PDZD2: variants seen among roughly 807,000 people sequenced by gnomAD.
PDZD2 encodes the protein PDZ domain containing 2, also known as PDZ domain-containing protein 2.
In PDZD2, 90 loss-of-function variants were observed where a neutral mutation model predicts 220.7. The observed-to-expected ratio is 0.41, with a 90% confidence interval of 0.34 to 0.49. PDZD2 has a LOEUF of 0.49. PDZD2 is among the 20% of genes least tolerant of loss of function. The probability of loss-of-function intolerance (pLI) is 0.28; values close to 1 mark genes in which losing one functional copy is unlikely to be tolerated. For synonymous variants in PDZD2, 1,375 were observed against 1,450.5 expected (o/e 0.95, Z 1.18); for missense variants, 3,174 against 3,608.5 (o/e 0.88, Z 3.08).
At chr5:31,688,600 C>T (rs990597948) in intron 1 of PDZD2, among the ~76,000 whole-genome samples, 9 of 152,170 alleles carry the variant, frequency 5.9e-5, no homozygotes, top group African/African-American at 2.2e-4. Flanking sequence ...TGCACACACA[C>T]GTGAGCACAT....
chr5:31,996,489 C>T (rs1487809170), intron 4 of PDZD2, among the ~76,000 whole-genome samples: 2 of 152,036 alleles, frequency 1.3e-5, no homozygotes, highest in African/African-American at 4.8e-5. Context: ...GGCGGATCAC[C>T]TGAGATCAGG....
chr5:31,957,673 G>C (rs1251726570), intron 2 of PDZD2, among the ~76,000 whole-genome samples: 2 of 152,042 alleles, frequency 1.3e-5, no homozygotes, highest in Non-Finnish European at 2.9e-5. Context: ...TAACATCTTG[G>C]TTTATTATTC....
intron 2 of PDZD2, among the ~76,000 whole-genome samples, chr5:31,807,682 A>C (rs896348737): frequency 2.0e-5 from 3 of 152,142 alleles, no homozygotes; most frequent in African/African-American, 4.8e-5. Flanking sequence ...TTTGGAAGGG[A>C]TGCTGGCGGA....
chr5:32,099,168 C>G (rs1209864635), intron 23 of PDZD2: 1 of 154,076 alleles, frequency 6.5e-6, no homozygotes, highest in Non-Finnish European at 1.4e-5. Context: ...TTTCTACGTT[C>G]CGTCCATATT....
chr5:31,898,814 T>C (rs1242160666), intron 2 of PDZD2, among the ~76,000 whole-genome samples: 70 of 150,490 alleles, frequency 4.7e-4, no homozygotes, highest in African/African-American at 1.7e-3. Context: ...TCTTCTTTTT[T>C]TTTTTTTTTT....
At chr5:31,682,337 G>T (rs1042233041) in intron 1 of PDZD2, among the ~76,000 whole-genome samples, 3 of 152,164 alleles carry the variant, frequency 2.0e-5, no homozygotes, top group African/African-American at 7.2e-5. Flanking sequence ...CAAGTCCGTG[G>T]TTAGGGCAAA....
At chr5:31,733,021 G>A (rs374167434) in intron 1 of PDZD2, among the ~76,000 whole-genome samples, 7 of 152,178 alleles carry the variant, frequency 4.6e-5, no homozygotes, top group East Asian at 3.8e-4. Flanking sequence ...GAGCCACCGC[G>A]CCCGGCCGGG....
In PDZD2 at chr5:32,089,976, A is replaced by G. The variant is rs778163517; in HGVS notation, c.6528A>G (p.Thr2176=). The part of the protein sequence containing the change: ...KLASSSSSLQ[T]AIRKAEYSQG... Reference sequence around the variant, plus strand: ...CGTCCTCCTCCTCCTCCCTTCAAACAGCCATTAGAAAGGCAGAATACTCCC... The same window carrying G: ...CGTCCTCCTCCTCCTCCCTTCAAACGGCCATTAGAAAGGCAGAATACTCCC... Residue 2176 remains threonine (T), a synonymous_variant, in exon 20 of 25, where the codon ACA becomes ACG. Coordinates refer to ENST00000438447, the MANE Select transcript of PDZD2 (RefSeq NM_178140.4). 1.5e-5 allele frequency: 24 copies of G among 1,602,978 alleles called. No homozygotes were observed. The Middle Eastern group carries it at 1.5e-3, about 100-fold the overall frequency.
chr5:31,913,948 C>G (rs1743427824), intron 2 of PDZD2, among the ~76,000 whole-genome samples: 1 of 151,880 alleles, frequency 6.6e-6, no homozygotes, highest in South Asian at 2.1e-4. Context: ...CTCCCCTACC[C>G]CCAGCACACA....
chr5:32,000,745 G>T lies in PDZD2; in HGVS notation c.1254+474G>T, dbSNP rs1280006997. Reference sequence around the variant, plus strand: ...GGCTGGTCTCAAACTCCTGACCTCAGGTGATGCACCTGCCTCAGCTTCCCA... The same window carrying T: ...GGCTGGTCTCAAACTCCTGACCTCATGTGATGCACCTGCCTCAGCTTCCCA... On this transcript the variant is annotated intron_variant, in intron 5 of 24. Transcript: ENST00000438447. The surrounding 1 kb of genome is among the most constrained non-coding windows in gnomAD (Gnocchi z 4.5). Among the ~76,000 whole-genome samples the T allele has an allele frequency of 1.3e-5, 2 of 152,138 alleles. No homozygotes were observed. Among genetic ancestry groups the T allele is most frequent in the Admixed American group, 6.5e-5 (1 of 15,272 alleles).
rs1219066291 is a variant in PDZD2, at chr5:31,799,193, G to A, written c.-56G>A. The A allele has an allele frequency of 1.4e-5, 17 of 1,246,560 alleles. No individual in the cohort carries two copies. The highest frequency in any genetic ancestry group is 1.9e-5 in the Non-Finnish European group (17 of 883,224). The allele number at this position is 1,246,560 out of a possible 1,614,324, so 77.2% of individuals were successfully genotyped here. A position where few individuals can be genotyped will look rare whatever the true frequency, so the allele number is the denominator to read the frequency against. On this transcript the variant is annotated 5_prime_UTR_variant, in exon 2 of 25. Transcript: ENST00000438447. ...CCCCAGGGGACGTGGGGCCCTGTGG[G>A]GTCTGGCCCCCAGGAGCAAGACCTC...
At chr5:31,811,645 T>G (rs2150243784) in intron 2 of PDZD2, among the ~76,000 whole-genome samples, 1 of 152,284 alleles carries the variant, frequency 6.6e-6, no homozygotes, top group South Asian at 2.1e-4. Flanking sequence ...CAAATATTCC[T>G]GAAAGGAGGC....
At chr5:31,972,777 G>A (rs1391230755) in intron 2 of PDZD2, among the ~76,000 whole-genome samples, 3 of 152,158 alleles carry the variant, frequency 2.0e-5, no homozygotes, top group Non-Finnish European at 4.4e-5. Flanking sequence ...GTACAGCAAA[G>A]TCTGACTCCC....
intron 2 of PDZD2, among the ~76,000 whole-genome samples, chr5:31,950,367 G>C (rs1747075790): frequency 2.0e-5 from 3 of 152,186 alleles, no homozygotes; most frequent in Admixed American, 6.5e-5. Context: ...AACCAATGAG[G>C]AAGGCTGGAT....
At chr5:31,698,281 C>A (rs1580582685) in intron 1 of PDZD2, among the ~76,000 whole-genome samples, 1 of 149,832 alleles carries the variant, frequency 6.7e-6, no homozygotes, top group African/African-American at 2.4e-5. Context: ...TTACTAGGTT[C>A]TGCCTCTGTT....
chr5:31,889,477 C>T (rs1415257280), intron 2 of PDZD2, among the ~76,000 whole-genome samples: 1 of 152,174 alleles, frequency 6.6e-6, no homozygotes, highest in Non-Finnish European at 1.5e-5. Flanking sequence ...GTCCTGGACC[C>T]TGGCTTTGCA....
chr5:31,651,622 CTTTA>C (rs750739997), intron 1 of PDZD2, among the ~76,000 whole-genome samples: 73 of 149,006 alleles, frequency 4.9e-4, no homozygotes, highest in Middle Eastern at 6.8e-3. Flanking sequence ...GTTGGACTTG[CTTTA>C]TTTATTTATT....
chr5:31,717,330 G>A (rs253927), intron 1 of PDZD2, among the ~76,000 whole-genome samples: 37,372 of 151,942 alleles, frequency 0.25, 4,923 homozygotes, highest in East Asian at 0.38. Flanking sequence ...TGCCTAAATC[G>A]CTGTCTCTGC....
chr5:31,791,487 G>A (rs1172921582), intron 1 of PDZD2, among the ~76,000 whole-genome samples: 1 of 150,582 alleles, frequency 6.6e-6, no homozygotes, highest in Non-Finnish European at 1.5e-5. Flanking sequence ...CTACTTGGGA[G>A]GCTAAGGCAG....
Sources: gnomAD v4.1 joint callset for allele counts (sites outside exome capture counted in the v4.1 genomes callset) on GRCh38, gnomAD v4.1.1 for gene constraint, Gnocchi (gnomAD v3.1) non-coding constraint, MANE v1.5 for transcripts, NCBI Gene and HGNC (gene_info 2026-07-23, HGNC 2026-07-21) for gene names.